Variants in NLGN1 observed in about 807,000 individuals in gnomAD.
The protein encoded by NLGN1 is neuroligin-1.
A neutral mutation model predicts 65.5 loss-of-function variants in NLGN1; 12 were observed. That is an observed-to-expected ratio of 0.18 (90% CI 0.12 to 0.30). NLGN1 has a LOEUF of 0.30. Ranked by LOEUF, NLGN1 falls within the 10% of genes least tolerant of loss-of-function variation. The probability of loss-of-function intolerance (pLI) is 1.00; values close to 1 mark genes in which losing one functional copy is unlikely to be tolerated. For synonymous variants in NLGN1, 350 were observed against 359.5 expected, an observed-to-expected ratio of 0.97 and a Z score of 0.30; for missense variants, 750 against 1,007.1, an observed-to-expected ratio of 0.74 and a Z score of 3.46.
At chr3:173,931,978 T>C (rs1476951567) in intron 4 of NLGN1, among the ~76,000 whole-genome samples, 1 of 152,158 alleles carries the variant, frequency 6.6e-6, no homozygotes, top group Non-Finnish European at 1.5e-5. Flanking sequence ...AAGATGACTT[T>C]AAGGTGTTTT....
At chr3:173,806,076 C>T (rs1318059906) in intron 3 of NLGN1, among the ~76,000 whole-genome samples, 1 of 151,974 alleles carries the variant, frequency 6.6e-6, no homozygotes, top group Admixed American at 6.6e-5. Context: ...TCAAATATAC[C>T]TTTGGGGAAT....
chr3:173,884,081 G>A (rs574938600), intron 4 of NLGN1, among the ~76,000 whole-genome samples: 5 of 151,484 alleles, frequency 3.3e-5, no homozygotes, highest in African/African-American at 1.2e-4. Flanking sequence ...AGAATCATTA[G>A]CAACTAAATC....
intron 4 of NLGN1, among the ~76,000 whole-genome samples, chr3:174,238,716 G>A (rs1742214687): frequency 6.6e-6 from 1 of 152,038 alleles, no homozygotes; most frequent in African/African-American, 2.4e-5. Context: ...TTCAGTTCAG[G>A]CTCTAATTTA....
chr3:173,600,692 C>T (rs988769850), intron 2 of NLGN1, among the ~76,000 whole-genome samples: 3 of 147,746 alleles, frequency 2.0e-5, no homozygotes, highest in Non-Finnish European at 4.5e-5. Context: ...TTATTGAACA[C>T]ATGTCACATT....
intron 4 of NLGN1, among the ~76,000 whole-genome samples, chr3:173,982,103 C>T (rs1057204742): frequency 3.2e-4 from 48 of 152,016 alleles, no homozygotes; most frequent in African/African-American, 1.1e-3. Flanking sequence ...CATTAATTGA[C>T]ATTTTGTATG....
chr3:173,774,007 T>C (rs974919711), intron 3 of NLGN1, among the ~76,000 whole-genome samples: 1 of 152,156 alleles, frequency 6.6e-6, no homozygotes, highest in African/African-American at 2.4e-5. Flanking sequence ...TGTGTGCGTG[T>C]CTAAGAAACA....
intron 4 of NLGN1, among the ~76,000 whole-genome samples, chr3:174,253,649 G>C (rs1009808262): frequency 2.0e-5 from 3 of 152,058 alleles, no homozygotes; most frequent in African/African-American, 7.2e-5. Context: ...CTTGTCACCC[G>C]GACATGAAAG....
intron 3 of NLGN1, among the ~76,000 whole-genome samples, chr3:173,683,568 T>C (rs2149793328): frequency 6.6e-6 from 1 of 152,318 alleles, no homozygotes; most frequent in Non-Finnish European, 1.5e-5. Context: ...ACCCTCTTTC[T>C]CTCATTCCCT....
intron 3 of NLGN1, among the ~76,000 whole-genome samples, chr3:173,764,167 C>T (rs1295814993): frequency 6.6e-6 from 1 of 152,078 alleles, no homozygotes; most frequent in East Asian, 1.9e-4. Flanking sequence ...AGAAGTTCAA[C>T]AGGAGCTCAG....
chr3:174,231,289 G>T (rs1303644282), intron 4 of NLGN1, among the ~76,000 whole-genome samples: 1 of 152,140 alleles, frequency 6.6e-6, no homozygotes, highest in Non-Finnish European at 1.5e-5. Flanking sequence ...CCGAGACTCC[G>T]GGTGTGCCTG....
intron 3 of NLGN1, among the ~76,000 whole-genome samples, chr3:173,650,174 G>A (rs924750105): frequency 2.6e-5 from 4 of 151,778 alleles, no homozygotes; most frequent in Non-Finnish European, 4.4e-5. Flanking sequence ...ATGTAACACA[G>A]ACCATGAATA....
At chr3:173,787,778 G>A (rs1711545150) in intron 3 of NLGN1, among the ~76,000 whole-genome samples, 1 of 152,156 alleles carries the variant, frequency 6.6e-6, no homozygotes, top group African/African-American at 2.4e-5. Flanking sequence ...CAAGATAGAA[G>A]GTAGGCTTTC....
chr3:173,957,138 G>A (rs983464906), intron 4 of NLGN1, among the ~76,000 whole-genome samples: 1 of 152,040 alleles, frequency 6.6e-6, no homozygotes, highest in Non-Finnish European at 1.5e-5. Flanking sequence ...TACTATTTAA[G>A]ATAAATTTTA....
At chr3:173,464,673 G>T (rs1049076505) in intron 2 of NLGN1, among the ~76,000 whole-genome samples, 3 of 152,156 alleles carry the variant, frequency 2.0e-5, no homozygotes, top group Admixed American at 6.6e-5. Flanking sequence ...GACCTTAGGT[G>T]ATCTGCCCGC....
intron 1 of NLGN1, among the ~76,000 whole-genome samples, chr3:173,414,477 C>T (rs73047910): frequency 0.021 from 3,247 of 151,924 alleles, 111 homozygotes; most frequent in African/African-American, 0.074. Context: ...TGAGAATTAC[C>T]GCTATGCTTT....
intron 4 of NLGN1, among the ~76,000 whole-genome samples, chr3:174,068,532 C>A (rs1739149426): frequency 6.6e-6 from 1 of 152,096 alleles, no homozygotes; most frequent in African/African-American, 2.4e-5. Context: ...AGGACACCCA[C>A]TTTCTAAACC....
chr3:173,590,494 C>T (rs972222008), intron 2 of NLGN1, among the ~76,000 whole-genome samples: 5 of 152,252 alleles, frequency 3.3e-5, no homozygotes, highest in Admixed American at 2.0e-4. Flanking sequence ...TAACCTCCAC[C>T]ATAGTAGGGG....
At chr3:173,845,502 T>G (rs1405004405) in intron 4 of NLGN1, among the ~76,000 whole-genome samples, 2 of 152,184 alleles carry the variant, frequency 1.3e-5, no homozygotes, top group African/African-American at 4.8e-5. Context: ...CGAAATAATT[T>G]AATATTTTCA....
At chr3:173,870,211 A>G (rs534512650) in intron 4 of NLGN1, among the ~76,000 whole-genome samples, 2 of 152,196 alleles carry the variant, frequency 1.3e-5, no homozygotes, top group Admixed American at 6.6e-5. Flanking sequence ...ATTAAGTTGC[A>G]TGTATTTATA....
Sources: gnomAD v4.1 joint callset for allele counts (sites outside exome capture counted in the v4.1 genomes callset) on GRCh38, gnomAD v4.1.1 for gene constraint, MANE v1.5 for transcripts, NCBI Gene and HGNC (gene_info 2026-07-23, HGNC 2026-07-21) for gene names.